NEGR1: variants seen among roughly 807,000 people sequenced by gnomAD.
The protein encoded by NEGR1 is neuronal growth regulator 1.
NEGR1 carries 10 observed loss-of-function variants against 40.9 expected under a neutral mutation model. The observed-to-expected ratio is 0.24, with a 90% confidence interval of 0.15 to 0.42. The LOEUF is 0.42. Ranked by LOEUF, NEGR1 falls within the 10% of genes least tolerant of loss-of-function variation. The probability of loss-of-function intolerance (pLI) is 1.00; values close to 1 mark genes in which losing one functional copy is unlikely to be tolerated. For synonymous variants in NEGR1, 185 were observed against 166.8 expected, an observed-to-expected ratio of 1.11 and a Z score of -0.84; for missense variants, 352 against 438.9, an observed-to-expected ratio of 0.80 and a Z score of 1.77.
chr1:72,146,482 C>G (rs942579139), intron 1 of NEGR1, among the ~76,000 whole-genome samples: 8 of 152,236 alleles, frequency 5.3e-5, no homozygotes, highest in Admixed American at 5.2e-4. Flanking sequence ...TGCCAACCAA[C>G]CACAGATTGC....
chr1:71,870,561 G>A (rs1244761420), intron 2 of NEGR1, among the ~76,000 whole-genome samples: 1 of 152,148 alleles, frequency 6.6e-6, no homozygotes, highest in Non-Finnish European at 1.5e-5. Context: ...TACAATTACA[G>A]CTTGCAGGTG....
At chr1:71,829,956 A>AT (rs940857825) in intron 2 of NEGR1, among the ~76,000 whole-genome samples, 3 of 151,750 alleles carry the variant, frequency 2.0e-5, no homozygotes, top group Non-Finnish European at 2.9e-5. Flanking sequence ...CTCACTGGGA[A>AT]TTTTTTTTCA....
At chr1:71,568,910 C>T (rs1648720889) in intron 6 of NEGR1, among the ~76,000 whole-genome samples, 1 of 143,054 alleles carries the variant, frequency 7.0e-6, no homozygotes. Context: ...GGCAATGATC[C>T]TTTTGTAATT....
At chr1:72,092,796 G>A (rs998856446) in intron 1 of NEGR1, among the ~76,000 whole-genome samples, 1 of 151,948 alleles carries the variant, frequency 6.6e-6, no homozygotes, top group Non-Finnish European at 1.5e-5. Context: ...GACTACAGAT[G>A]TGCACCACCA....
At chr1:72,238,894 T>C (rs902701389) in intron 1 of NEGR1, among the ~76,000 whole-genome samples, 2 of 151,874 alleles carry the variant, frequency 1.3e-5, no homozygotes, top group Non-Finnish European at 2.9e-5. Context: ...GAACTTTCAA[T>C]GTGCCTCATA....
intron 1 of NEGR1, among the ~76,000 whole-genome samples, chr1:72,046,614 A>T (rs1053322327): frequency 6.6e-6 from 1 of 151,644 alleles, no homozygotes; most frequent in African/African-American, 2.4e-5. Flanking sequence ...TTAAATCTTT[A>T]GTTATTTTGA....
intron 3 of NEGR1, among the ~76,000 whole-genome samples, chr1:71,767,350 A>G (rs535968008): frequency 2.0e-5 from 3 of 152,306 alleles, no homozygotes; most frequent in Non-Finnish European, 4.4e-5. Flanking sequence ...CACTTTTGCT[A>G]CACTTTAGCA....
chr1:72,086,653 G>C (rs1204222037), intron 1 of NEGR1, among the ~76,000 whole-genome samples: 1 of 152,040 alleles, frequency 6.6e-6, no homozygotes, highest in Non-Finnish European at 1.5e-5. Context: ...TATTTGATTT[G>C]GTGTCTGGTT....
At chr1:71,878,932 A>G (rs1449000394) in intron 2 of NEGR1, among the ~76,000 whole-genome samples, 3 of 152,158 alleles carry the variant, frequency 2.0e-5, no homozygotes, top group African/African-American at 7.2e-5. Flanking sequence ...AATAGCAACA[A>G]GGACCAGCCT....
At chr1:71,819,502 T>G (rs1190899533) in intron 2 of NEGR1, among the ~76,000 whole-genome samples, 12 of 151,844 alleles carry the variant, frequency 7.9e-5, no homozygotes, top group Admixed American at 6.6e-4. Context: ...AAAGAGCTCT[T>G]GGAAATTAAG....
intron 2 of NEGR1, among the ~76,000 whole-genome samples, chr1:71,824,388 T>C (rs1377526167): frequency 6.6e-6 from 1 of 151,194 alleles, no homozygotes; most frequent in Non-Finnish European, 1.5e-5. Flanking sequence ...GAAAAAGGCA[T>C]GGGACTCAAA....
At chr1:71,541,275 G>A (rs1036582896) in intron 6 of NEGR1, among the ~76,000 whole-genome samples, 1 of 151,690 alleles carries the variant, frequency 6.6e-6, no homozygotes, top group Non-Finnish European at 1.5e-5. Context: ...TATACAGGTA[G>A]ATACCAATTT....
chr1:72,135,443 A>G, intron 1 of NEGR1, among the ~76,000 whole-genome samples: 1 of 150,020 alleles, frequency 6.7e-6, no homozygotes. Flanking sequence ...AAAAAAAGAA[A>G]TAACTTTCTT....
At chr1:72,089,734 T>C (rs1243986664) in intron 1 of NEGR1, among the ~76,000 whole-genome samples, 2 of 152,144 alleles carry the variant, frequency 1.3e-5, no homozygotes, top group African/African-American at 4.8e-5. Context: ...TCATTAATTA[T>C]AGCCTATGTC....
chr1:71,710,050 C>A (rs534829452), intron 3 of NEGR1, among the ~76,000 whole-genome samples: 2 of 152,126 alleles, frequency 1.3e-5, no homozygotes, highest in Non-Finnish European at 2.9e-5. Context: ...AGGAAAATAT[C>A]TAATAATCTG....
At chr1:71,959,171 A>G (rs1646142941) in intron 1 of NEGR1, among the ~76,000 whole-genome samples, 1 of 152,182 alleles carries the variant, frequency 6.6e-6, no homozygotes, top group Non-Finnish European at 1.5e-5. Context: ...CTCTTCCATC[A>G]TCACTTATGA....
At chr1:71,571,580 A>G (rs377334861) in intron 6 of NEGR1, among the ~76,000 whole-genome samples, 58 of 152,250 alleles carry the variant, frequency 3.8e-4, no homozygotes, top group African/African-American at 1.3e-3. Context: ...GCTTTAGCTC[A>G]GGAGTTCAAG....
chr1:72,093,941 G>T (rs1262701414), intron 1 of NEGR1, among the ~76,000 whole-genome samples: 1 of 152,142 alleles, frequency 6.6e-6, no homozygotes, highest in African/African-American at 2.4e-5. Context: ...TTTTTAAAAA[G>T]AATTGAACAG....
intron 1 of NEGR1, among the ~76,000 whole-genome samples, chr1:72,221,410 G>A (rs758523809): frequency 6.6e-5 from 10 of 151,764 alleles, no homozygotes; most frequent in African/African-American, 1.9e-4. Flanking sequence ...TCTAAATCTC[G>A]GATGATTGTC....
Sources: allele counts gnomAD v4.1 joint callset (sites outside exome capture counted in the v4.1 genomes callset), GRCh38; gene constraint gnomAD v4.1.1; transcripts MANE v1.5; gene names NCBI Gene and HGNC (gene_info 2026-07-23, HGNC 2026-07-21).